RBMS3: variants seen among roughly 807,000 people sequenced by gnomAD.
The protein encoded by RBMS3 is RNA binding motif single stranded interacting protein 3.
A neutral mutation model predicts 66.8 loss-of-function variants in RBMS3; 27 were observed. That is an observed-to-expected ratio of 0.40 (90% confidence interval 0.30 to 0.56). RBMS3 has a LOEUF of 0.56. Among genes scored for constraint, RBMS3 ranks in the 20% least tolerant of loss-of-function variants. The pLI is 0.40. For synonymous variants in RBMS3, 188 were observed against 183.0 expected, an observed-to-expected ratio of 1.03 and a Z score of -0.22; for missense variants, 513 against 549.5, an observed-to-expected ratio of 0.93 and a Z score of 0.66.
chr3:29,775,079 A>C (rs1438993636), intron 6 of RBMS3, among the ~76,000 whole-genome samples: 1 of 151,870 alleles, frequency 6.6e-6, no homozygotes, highest in Non-Finnish European at 1.5e-5. Flanking sequence ...CAAGCCCTTC[A>C]TCTTAGAAAA....
chr3:29,471,055 G>T (rs1182468460), intron 2 of RBMS3, among the ~76,000 whole-genome samples: 1 of 152,102 alleles, frequency 6.6e-6, no homozygotes, highest in East Asian at 1.9e-4. Flanking sequence ...CACGTGGACA[G>T]GTATGGAAAG....
chr3:29,576,020 A>G (rs980835276), intron 3 of RBMS3, among the ~76,000 whole-genome samples: 3 of 151,996 alleles, frequency 2.0e-5, no homozygotes, highest in Non-Finnish European at 4.4e-5. Context: ...TATTTAATTC[A>G]TTTGGTCAGG....
intron 1 of RBMS3, among the ~76,000 whole-genome samples, chr3:29,285,602 A>G (rs2032259298): frequency 6.6e-6 from 1 of 152,074 alleles, no homozygotes; most frequent in Admixed American, 6.6e-5. Context: ...GGTTCAGACT[A>G]GTGGACCCAA....
chr3:29,679,216 T>C (rs945768308), intron 4 of RBMS3, among the ~76,000 whole-genome samples: 2 of 152,152 alleles, frequency 1.3e-5, no homozygotes, highest in Non-Finnish European at 2.9e-5. Context: ...ACCACTGATA[T>C]TGATTACTCT....
intron 4 of RBMS3, chr3:29,696,990 C>G (rs963452840): frequency 1.1e-5 from 11 of 976,392 alleles, no homozygotes; most frequent in Non-Finnish European, 1.3e-5. Context: ...TGTGATTTCT[C>G]CAAAACTTCT....
At chr3:29,623,822 G>A (rs947026197) in intron 4 of RBMS3, among the ~76,000 whole-genome samples, 1 of 152,112 alleles carries the variant, frequency 6.6e-6, no homozygotes, top group Admixed American at 6.5e-5. Context: ...TAGACTAATA[G>A]ATAATGGAAA....
intron 4 of RBMS3, among the ~76,000 whole-genome samples, chr3:29,674,497 A>T (rs2051148054): frequency 6.6e-6 from 1 of 152,166 alleles, no homozygotes; most frequent in African/African-American, 2.4e-5. Flanking sequence ...TTGTATATTT[A>T]GTAAATCCCA....
At chr3:29,350,895 T>C (rs1293201887) in intron 1 of RBMS3, among the ~76,000 whole-genome samples, 1 of 151,584 alleles carries the variant, frequency 6.6e-6, no homozygotes, top group Non-Finnish European at 1.5e-5. Flanking sequence ...AAAAAAAAAT[T>C]AATACTATGG....
chr3:29,578,143 C>A (rs1468803651), intron 3 of RBMS3, among the ~76,000 whole-genome samples: 1 of 152,150 alleles, frequency 6.6e-6, no homozygotes, highest in Non-Finnish European at 1.5e-5. Flanking sequence ...CTCTGGGTGT[C>A]CCTAATACAT....
At chr3:29,404,440 G>T (rs13079920) in intron 1 of RBMS3, among the ~76,000 whole-genome samples, 1 of 151,910 alleles carries the variant, frequency 6.6e-6, no homozygotes, top group Non-Finnish European at 1.5e-5. Flanking sequence ...ATATGTTATA[G>T]GTACAGCTTA....
intron 6 of RBMS3, among the ~76,000 whole-genome samples, chr3:29,834,565 G>T (rs1266799151): frequency 6.6e-6 from 1 of 151,946 alleles, no homozygotes; most frequent in Non-Finnish European, 1.5e-5. Context: ...ACGTAAAATA[G>T]ATTGTTATAA....
At chr3:29,578,843 G>A (rs182397536) in intron 3 of RBMS3, among the ~76,000 whole-genome samples, 1,976 of 118,348 alleles carry the variant, frequency 0.017, 131 homozygotes, top group African/African-American at 0.065. Flanking sequence ...CGCCCAGGTC[G>A]GACTGCGGAC....
At chr3:29,588,822 C>T (rs940028922) in intron 4 of RBMS3, among the ~76,000 whole-genome samples, 2 of 151,926 alleles carry the variant, frequency 1.3e-5, no homozygotes, top group Non-Finnish European at 2.9e-5. Flanking sequence ...TTCCTATACC[C>T]ACAAAACAAA....
chr3:29,468,478 G>T (rs138063963), intron 2 of RBMS3, among the ~76,000 whole-genome samples: 2 of 152,116 alleles, frequency 1.3e-5, no homozygotes, highest in South Asian at 2.1e-4. Flanking sequence ...CCCTAAGTAC[G>T]TGGTAGAATA....
intron 2 of RBMS3, among the ~76,000 whole-genome samples, chr3:29,441,121 A>T (rs2041604390): frequency 6.6e-6 from 1 of 152,138 alleles, no homozygotes; most frequent in Non-Finnish European, 1.5e-5. Flanking sequence ...TCATAAATCT[A>T]TGTGGTGGCA....
intron 1 of RBMS3, among the ~76,000 whole-genome samples, chr3:29,332,302 C>T (rs2035710870): frequency 6.6e-6 from 1 of 152,088 alleles, no homozygotes; most frequent in South Asian, 2.1e-4. Flanking sequence ...CAACAAGAAA[C>T]AGTCATGAAC....
At chr3:29,605,748 C>T (rs932050720) in intron 4 of RBMS3, among the ~76,000 whole-genome samples, 3 of 151,502 alleles carry the variant, frequency 2.0e-5, no homozygotes, top group African/African-American at 4.8e-5. Context: ...AATATTCTCC[C>T]TAAGTTGACT....
rs537072458 is a variant in RBMS3, at chr3:29,980,917, C to CT, written c.1099-7219dup. On this transcript the variant is annotated intron_variant, in intron 12 of 14. Transcript: ENST00000383767. ...TAGGATTGTCTTGGCTATGCAGGCT[C>CT]TTTTTTTGTTCTATATGAAATTTAA... Among the ~76,000 whole-genome samples, 17 of 152,102 alleles carry CT rather than the reference C, an allele frequency of 1.1e-4. 1 individual carries two copies. The South Asian group carries it at 2.7e-3, about 24-fold the overall frequency.
rs536051270 is a variant in RBMS3 at position 29,387,028 on chromosome 3, T to C, written c.76-47715T>C. 3.0e-3 allele frequency among the ~76,000 whole-genome samples: 452 copies of C among 152,312 alleles called. 8 individuals are homozygous for C. Among genetic ancestry groups the C allele is most frequent in the Admixed American group, 0.028 (426 of 15,298 alleles). The stretch of plus-strand genomic sequence containing the variant: ...TCCCTCATTGCTTACCGGTTACCCC[T>C]TCTCAATCTCGCCAGCTTGATTTCC... On this transcript the variant is annotated intron_variant, in intron 1 of 14. Transcript: ENST00000383767.
Sources: gnomAD v4.1 joint callset for allele counts (sites outside exome capture counted in the v4.1 genomes callset) on GRCh38, gnomAD v4.1.1 for gene constraint, MANE v1.5 for transcripts, NCBI Gene and HGNC (gene_info 2026-07-23, HGNC 2026-07-21) for gene names.